PDE4B: variants seen among roughly 807,000 people sequenced by gnomAD.
PDE4B encodes phosphodiesterase 4B, also known as 3',5'-cyclic-AMP phosphodiesterase 4B.
In PDE4B, 20 loss-of-function variants were observed where a neutral mutation model predicts 82.2. That is an observed-to-expected ratio of 0.24 (90% CI 0.17 to 0.35). PDE4B has a LOEUF of 0.35. Ranked by LOEUF, PDE4B falls within the 10% of genes least tolerant of loss-of-function variation. PDE4B has a pLI of 1.00. For missense variants in PDE4B, 655 were observed against 907.2 expected (o/e 0.72, Z 3.57); for synonymous variants, 320 against 318.9 (o/e 1.00, Z -0.04).
At chr1:66,031,503 T>C (rs1230863690) in intron 3 of PDE4B, among the ~76,000 whole-genome samples, 1 of 152,232 alleles carries the variant, frequency 6.6e-6, no homozygotes, top group East Asian at 1.9e-4. Flanking sequence ...TTTTCTGTGT[T>C]TTTCTGCATG....
chr1:66,298,018 A>G (rs748518118), intron 7 of PDE4B, among the ~76,000 whole-genome samples: 1 of 152,156 alleles, frequency 6.6e-6, no homozygotes, highest in Admixed American at 6.5e-5. Flanking sequence ...GTATGAATGT[A>G]GGTACCATTT....
chr1:65,996,032 T>C (rs1214186241), intron 3 of PDE4B, among the ~76,000 whole-genome samples: 3 of 152,172 alleles, frequency 2.0e-5, no homozygotes, highest in Non-Finnish European at 4.4e-5. Flanking sequence ...TTAAGAAATA[T>C]TTATGAAATT....
intron 3 of PDE4B, among the ~76,000 whole-genome samples, chr1:65,953,480 T>C (rs755346953): frequency 2.0e-5 from 3 of 151,938 alleles, no homozygotes; most frequent in Non-Finnish European, 4.4e-5. Context: ...GAGAAGGAGA[T>C]GTAACAAAGG....
intron 3 of PDE4B, among the ~76,000 whole-genome samples, chr1:66,038,948 C>G (rs146027974): frequency 7.6e-4 from 116 of 152,136 alleles, no homozygotes; most frequent in African/African-American, 2.5e-3. Flanking sequence ...GTGTGTATCT[C>G]AGAAGTCCTA....
At chr1:66,299,602 G>T (rs922444189) in intron 7 of PDE4B, among the ~76,000 whole-genome samples, 6 of 152,064 alleles carry the variant, frequency 3.9e-5, no homozygotes, top group Admixed American at 3.3e-4. Context: ...ACTGTAATAT[G>T]GTAATTCTAT....
intron 3 of PDE4B, among the ~76,000 whole-genome samples, chr1:65,997,163 C>G (rs1056284777): frequency 8.3e-5 from 11 of 133,138 alleles, no homozygotes; most frequent in South Asian, 3.0e-4. Context: ...CCCCGCCCCC[C>G]ACCCTGCTGC....
chr1:66,276,986 T>C (rs17128732), intron 7 of PDE4B, among the ~76,000 whole-genome samples: 5,333 of 152,286 alleles, frequency 0.035, 255 homozygotes, highest in East Asian at 0.25. Context: ...TTATGATCAT[T>C]AGTTTTATCA....
At chr1:66,326,775 A>G (rs1170535117) in intron 7 of PDE4B, among the ~76,000 whole-genome samples, 1 of 152,232 alleles carries the variant, frequency 6.6e-6, no homozygotes, top group Non-Finnish European at 1.5e-5. Context: ...GGAAATTTAT[A>G]TTTGGGTAAT....
At chr1:65,942,667 TC>T (rs1024860807) in intron 3 of PDE4B, among the ~76,000 whole-genome samples, 17 of 152,150 alleles carry the variant, frequency 1.1e-4, no homozygotes, top group African/African-American at 4.1e-4. Flanking sequence ...GGTTTCTTTT[TC>T]TCCACATCCT....
At chr1:66,250,943 G>A (rs560429060) in intron 4 of PDE4B, among the ~76,000 whole-genome samples, 2 of 152,290 alleles carry the variant, frequency 1.3e-5, no homozygotes, top group East Asian at 3.9e-4. Flanking sequence ...AGTCTCTAGA[G>A]AGAGCCTACT....
At chr1:66,357,713 A>G (rs754006196) in intron 9 of PDE4B, among the ~76,000 whole-genome samples, 1 of 152,086 alleles carries the variant, frequency 6.6e-6, no homozygotes. Context: ...CTAGACGGGC[A>G]GATTAGAATT....
intron 3 of PDE4B, among the ~76,000 whole-genome samples, chr1:65,972,609 T>C (rs1181588069): frequency 2.0e-5 from 3 of 152,124 alleles, no homozygotes; most frequent in African/African-American, 7.2e-5. Context: ...TGGAATTGGA[T>C]GAGAGACACA....
chr1:66,176,203 A>G (rs1337973834), intron 3 of PDE4B, among the ~76,000 whole-genome samples: 1 of 152,208 alleles, frequency 6.6e-6, no homozygotes, highest in East Asian at 1.9e-4. Flanking sequence ...CACGCTGAAG[A>G]CAGATGGGAA....
chr1:65,886,973 T>C (rs1234649285), intron 1 of PDE4B, among the ~76,000 whole-genome samples: 2 of 152,194 alleles, frequency 1.3e-5, no homozygotes, highest in African/African-American at 4.8e-5. Flanking sequence ...TTTTACTAAT[T>C]TACATTCCCA....
chr1:66,207,713 C>G (rs555697139), intron 3 of PDE4B, among the ~76,000 whole-genome samples: 129 of 152,290 alleles, frequency 8.5e-4, no homozygotes, highest in Non-Finnish European at 1.6e-3. Context: ...TTGGCTGCAG[C>G]AGTCATAATG....
chr1:66,141,811 A>G (rs979412259), intron 3 of PDE4B, among the ~76,000 whole-genome samples: 2 of 152,182 alleles, frequency 1.3e-5, no homozygotes, highest in African/African-American at 4.8e-5. Context: ...TAGGGCACCA[A>G]CACAATGTAT....
At chr1:66,113,613 C>T (rs1235239427) in intron 3 of PDE4B, among the ~76,000 whole-genome samples, 4 of 152,032 alleles carry the variant, frequency 2.6e-5, no homozygotes, top group South Asian at 2.1e-4. Flanking sequence ...TCTGTCTTGG[C>T]GGCACATGTA....
Position 65,887,219 on chromosome 1 carries a change from TTTC to T in PDE4B, c.-70-26023_-70-26021del, listed in dbSNP as rs1557798905. Among the ~76,000 whole-genome samples the T allele has an allele frequency of 3.5e-3, 71 of 20,064 alleles. No individual in the cohort carries two copies. In the South Asian group the frequency reaches 0.067, roughly 19 times the overall value. The allele number at this position is 20,064 out of a possible 152,430, so 13.2% of individuals were successfully genotyped here. ...CTTTCTTTCTTTCTTTCTTTCTTTC[TTTC>T]TTTCTTTCTTTCTTTCTTTCTTTCT... On this transcript the variant is annotated intron_variant, in intron 1 of 16. Transcript: ENST00000341517.
In PDE4B at chr1:66,255,628, A is replaced by C. The variant is rs147963655; in HGVS notation, c.477-2019A>C. ...AGCATCTACCATCCCTGACTTTTTA[A>C]ATCCTTCAAAGTTCCTCTGAAACAC... On this transcript the variant is annotated intron_variant, in intron 4 of 16. Transcript: ENST00000341517. Among the ~76,000 whole-genome samples, 256 of 152,264 alleles carry C rather than the reference A, an allele frequency of 1.7e-3. 2 individuals are homozygous for C. Among genetic ancestry groups the C allele is most frequent in the African/African-American group, 5.6e-3 (231 of 41,538 alleles).
Sources: gnomAD v4.1 joint callset for allele counts (sites outside exome capture counted in the v4.1 genomes callset) on GRCh38, gnomAD v4.1.1 for gene constraint, MANE v1.5 for transcripts, NCBI Gene and HGNC (gene_info 2026-07-23, HGNC 2026-07-21) for gene names.